TENM4: variants seen among roughly 807,000 people sequenced by gnomAD.
TENM4 encodes the protein teneurin transmembrane protein 4.
A neutral mutation model predicts 243.3 loss-of-function variants in TENM4; 82 were observed. That is an observed-to-expected ratio of 0.34 (90% CI 0.28 to 0.40). TENM4 has a LOEUF of 0.40. Among genes scored for constraint, TENM4 ranks in the 10% least tolerant of loss-of-function variants. The pLI is 1.00. For synonymous variants in TENM4, 1,412 were observed against 1,456.3 expected (o/e 0.97, Z 0.69); for missense variants, 3,138 against 3,673.3 (o/e 0.85, Z 3.77).
intron 12 of TENM4, among the ~76,000 whole-genome samples, chr11:78,831,985 T>C: frequency 6.6e-6 from 1 of 152,168 alleles, no homozygotes; most frequent in Non-Finnish European, 1.5e-5. Flanking sequence ...GAGAGCCTAT[T>C]GCAAGTCAGG....
At chr11:79,371,773 C>T (rs1007405888) in intron 1 of TENM4, among the ~76,000 whole-genome samples, 2 of 152,080 alleles carry the variant, frequency 1.3e-5, no homozygotes, top group African/African-American at 4.8e-5. Flanking sequence ...GTCAAGAAAC[C>T]CCCTGGGGAA....
chr11:78,729,239 C>T (rs1210789104), intron 22 of TENM4, 137 bp downstream of exon 22: 31 of 942,908 alleles, frequency 3.3e-5, no homozygotes, highest in Non-Finnish European at 4.3e-5. Flanking sequence ...TGGCCAGTCA[C>T]GGACAGGTCT....
intron 4 of TENM4, among the ~76,000 whole-genome samples, chr11:79,140,074 C>T (rs1235790723): frequency 2.0e-5 from 3 of 151,702 alleles, no homozygotes; most frequent in African/African-American, 7.3e-5. Flanking sequence ...GAGCCCTTCA[C>T]ATCTGCCCCT....
chr11:78,771,190 TCA>T lies in TENM4; in HGVS notation c.2393-54_2393-53del. 6 of 1,547,442 alleles carry T rather than the reference TCA, an allele frequency of 3.9e-6. No individual in the cohort carries two copies. The Middle Eastern group carries it at 6.7e-4, about 173-fold the overall frequency. On this transcript the variant is annotated intron_variant, in intron 17 of 33. Coordinates refer to ENST00000278550, the MANE Select transcript of TENM4 (RefSeq NM_001098816.3). Reference sequence around the variant, plus strand: ...TCTGATCACCCAGAGTCAACTGCCATCACACACACTAACACGCTACCTGCCAA... The same window carrying T: ...TCTGATCACCCAGAGTCAACTGCCATCACACACTAACACGCTACCTGCCAA...
At chr11:79,031,709 G>A (rs1859243094) in intron 6 of TENM4, among the ~76,000 whole-genome samples, 1 of 152,192 alleles carries the variant, frequency 6.6e-6, no homozygotes, top group East Asian at 1.9e-4. Flanking sequence ...AGGCTTAAAG[G>A]GGCATGCTGG....
chr11:78,744,494 G>A (rs996082030), intron 19 of TENM4, among the ~76,000 whole-genome samples: 2 of 152,204 alleles, frequency 1.3e-5, no homozygotes, highest in East Asian at 3.8e-4. Context: ...GGGGAGCCAG[G>A]ACTGAATCAA....
chr11:79,434,129 C>T (rs975145927), intron 1 of TENM4, among the ~76,000 whole-genome samples: 10 of 152,156 alleles, frequency 6.6e-5, no homozygotes, highest in Non-Finnish European at 1.0e-4. Context: ...GAAGGGGTAA[C>T]GGCAAAAGCA....
At chr11:78,881,536 C>T (rs944336979) in intron 9 of TENM4, among the ~76,000 whole-genome samples, 2 of 152,184 alleles carry the variant, frequency 1.3e-5, no homozygotes, top group Non-Finnish European at 2.9e-5. Flanking sequence ...CCCCTTCATG[C>T]CCCTTCATGG....
intron 23 of TENM4, among the ~76,000 whole-genome samples, chr11:78,725,207 G>A (rs1855484928): frequency 6.6e-6 from 1 of 152,178 alleles, no homozygotes; most frequent in African/African-American, 2.4e-5. Flanking sequence ...TATCTGGTGA[G>A]TCCCTCTTCT....
intron 6 of TENM4, among the ~76,000 whole-genome samples, chr11:78,918,609 G>A (rs2852246): frequency 6.6e-6 from 1 of 152,090 alleles, no homozygotes; most frequent in African/African-American, 2.4e-5. Context: ...GCATCCTGAA[G>A]AAAATGTCTC....
intron 32 of TENM4, among the ~76,000 whole-genome samples, chr11:78,664,417 G>T (rs1858100679): frequency 6.6e-6 from 1 of 151,988 alleles, no homozygotes; most frequent in Non-Finnish European, 1.5e-5. Flanking sequence ...GTAGAGATGG[G>T]GTCTCATTGT....
At chr11:79,243,025 C>T (rs1037284428) in intron 2 of TENM4, among the ~76,000 whole-genome samples, 6 of 152,100 alleles carry the variant, frequency 3.9e-5, no homozygotes, top group African/African-American at 1.2e-4. Context: ...CTCTAGTGCC[C>T]CTTGGGAGCT....
intron 6 of TENM4, among the ~76,000 whole-genome samples, chr11:79,037,926 C>G (rs968766126): frequency 6.6e-6 from 1 of 152,176 alleles, no homozygotes; most frequent in African/African-American, 2.4e-5. Flanking sequence ...TATTGTGGAA[C>G]AGAGAGAAGG....
intron 4 of TENM4, among the ~76,000 whole-genome samples, chr11:79,136,131 A>G (rs1862105837): frequency 1.3e-5 from 2 of 152,204 alleles, no homozygotes; most frequent in South Asian, 4.2e-4. Flanking sequence ...ACAAATCACC[A>G]CTAAAGAACT....
intron 19 of TENM4, among the ~76,000 whole-genome samples, chr11:78,749,934 C>T (rs1856144903): frequency 6.6e-6 from 1 of 152,154 alleles, no homozygotes; most frequent in Admixed American, 6.5e-5. Context: ...TCCCACATGC[C>T]CCCTTTGCTC....
chr11:79,318,482 G>C (rs574306351), intron 1 of TENM4, among the ~76,000 whole-genome samples: 1 of 152,144 alleles, frequency 6.6e-6, no homozygotes, highest in African/African-American at 2.4e-5. Flanking sequence ...GAAAAAAAAG[G>C]CTTGATTTGT....
In TENM4 at chr11:78,658,287, G is replaced by A. The variant is rs777954652; in HGVS notation, c.8081C>T (p.Ala2694Val). ...CGCTTGGCGCACGGCTCTCTGCCGG[G>A]CCAGCTCCAGGACCCGTGCCTTCTC... is the stretch of plus-strand genomic sequence containing the variant. ...DEEKARVLEL[A>V]RQRAVRQAWA... Residue 2694 changes from alanine to valine, a missense_variant, in exon 34 of 34, where the codon GCC becomes GTC. Transcript: ENST00000278550. The A allele has an allele frequency of 1.2e-6, 2 of 1,608,134 alleles. No homozygotes were observed. The highest frequency in any genetic ancestry group is 2.7e-5 in the African/African-American group (2 of 74,890).
At chr11:78,943,539 A>G (rs1856947815) in intron 6 of TENM4, among the ~76,000 whole-genome samples, 9 of 152,238 alleles carry the variant, frequency 5.9e-5, no homozygotes. Context: ...TTCACATTCA[A>G]CAAATACACA....
chr11:78,871,602 C>T (rs934195760), intron 9 of TENM4, among the ~76,000 whole-genome samples: 1 of 152,210 alleles, frequency 6.6e-6, no homozygotes, highest in Non-Finnish European at 1.5e-5. Context: ...AAGCTCTTCC[C>T]ACGAAGTGAC....
Sources: allele counts gnomAD v4.1 joint callset (sites outside exome capture counted in the v4.1 genomes callset), GRCh38; gene constraint gnomAD v4.1.1; transcripts MANE v1.5; gene names NCBI Gene and HGNC (gene_info 2026-07-23, HGNC 2026-07-21).